FOLH1: variants seen among roughly 807,000 people sequenced by gnomAD.
The protein encoded by FOLH1 is folate hydrolase 1.
FOLH1 carries 54 observed loss-of-function variants against 93.9 expected under a neutral mutation model. That is an observed-to-expected ratio of 0.57 (90% CI 0.46 to 0.72). The LOEUF (loss-of-function observed/expected upper bound fraction) is 0.72, where lower values mean the gene tolerates loss of function less well. FOLH1 is among the 30% of genes least tolerant of loss of function. FOLH1 has a pLI of 0.00. For missense variants in FOLH1, 571 were observed against 892.5 expected, an observed-to-expected ratio of 0.64 and a Z score of 4.59; for synonymous variants, 249 against 303.6, an observed-to-expected ratio of 0.82 and a Z score of 1.87.
At chr11:49,154,925 G>T (rs886495701) in intron 15 of FOLH1, among the ~76,000 whole-genome samples, 13 of 151,932 alleles carry the variant, frequency 8.6e-5, no homozygotes, top group African/African-American at 3.1e-4. Flanking sequence ...AAATTCCATG[G>T]ATAAATGATT....
At chr11:49,205,330 C>T (rs1211163800) in intron 2 of FOLH1, among the ~76,000 whole-genome samples, 3 of 151,960 alleles carry the variant, frequency 2.0e-5, no homozygotes, top group Non-Finnish European at 2.9e-5. Flanking sequence ...CTCTTTCGTC[C>T]TACACTGGAA....
chr11:49,201,443 T>A (rs1863246157), intron 2 of FOLH1, among the ~76,000 whole-genome samples: 2 of 151,456 alleles, frequency 1.3e-5, no homozygotes, highest in Admixed American at 1.3e-4. Context: ...ATTTTTTTTA[T>A]TTGATGAATC....
At chr11:49,206,044 T>C (rs769491170) in intron 2 of FOLH1, 23 bp downstream of exon 2, 5 of 1,597,640 alleles carry the variant, frequency 3.1e-6, no homozygotes, top group African/African-American at 1.3e-5. Context: ...CTTGTCCATA[T>C]AAACTTTCGA....
At chr11:49,172,275 C>T (rs1859425780) in intron 10 of FOLH1, among the ~76,000 whole-genome samples, 1 of 152,104 alleles carries the variant, frequency 6.6e-6, no homozygotes, top group African/African-American at 2.4e-5. Context: ...TAAAATTAAA[C>T]ACTACCTACT....
At chr11:49,192,966 A>T in intron 3 of FOLH1, 72 bp from the exon 4 acceptor site, 4 of 1,311,046 alleles carry the variant, frequency 3.1e-6, no homozygotes, top group Non-Finnish European at 4.1e-6. Context: ...CACAAAAAAA[A>T]TGAATATTAT....
At chr11:49,185,589 C>G in intron 6 of FOLH1, 80 bp downstream of exon 6, 1 of 1,543,338 alleles carries the variant, frequency 6.5e-7, no homozygotes, top group Non-Finnish European at 8.8e-7. Flanking sequence ...ATGCTTAGTC[C>G]ATTGTACCAA....
chr11:49,195,734 A>G (rs1862547601), intron 3 of FOLH1, among the ~76,000 whole-genome samples: 1 of 152,216 alleles, frequency 6.6e-6, no homozygotes, highest in Non-Finnish European at 1.5e-5. Context: ...AGGCACATCT[A>G]CAGACGCTGA....
intron 7 of FOLH1, among the ~76,000 whole-genome samples, chr11:49,179,255 C>G (rs34581355): frequency 3.3e-5 from 5 of 152,174 alleles, no homozygotes; most frequent in African/African-American, 1.2e-4. Flanking sequence ...TATAAAATGA[C>G]TAAGATTCCT....
chr11:49,147,579 A>G (rs1231021084), intron 18 of FOLH1, among the ~76,000 whole-genome samples: 1 of 152,154 alleles, frequency 6.6e-6, no homozygotes, highest in Admixed American at 6.6e-5. Flanking sequence ...AGAATGGGCT[A>G]TGACAGTTCA....
At chr11:49,199,106 A>G (rs1385134509) in intron 3 of FOLH1, among the ~76,000 whole-genome samples, 2 of 152,168 alleles carry the variant, frequency 1.3e-5, no homozygotes, top group Admixed American at 6.5e-5. Flanking sequence ...CTATGAAAAA[A>G]AATTATATAT....
In FOLH1 at chr11:49,168,555, C is replaced by A. The variant is rs1277497476; in HGVS notation, c.1372+640G>T. 3.9e-5 allele frequency among the ~76,000 whole-genome samples: 6 copies of A among 152,188 alleles called. No homozygotes were observed. In the East Asian group the frequency reaches 5.8e-4, roughly 15 times the overall value. ...ACTCCCAGAGTGGTTTTATCCTACC[C>A]TTTCTAAAGTACCTGCATACATTAT... On this transcript the variant is annotated intron_variant, in intron 12 of 18. Coordinates refer to ENST00000256999, the MANE Select transcript of FOLH1 (RefSeq NM_004476.3).
chr11:49,177,539 C>T (rs1323226912), intron 7 of FOLH1, among the ~76,000 whole-genome samples: 2 of 151,990 alleles, frequency 1.3e-5, no homozygotes, highest in Non-Finnish European at 2.9e-5. Context: ...TAACAAAAAG[C>T]AGCCCAATAA....
intron 4 of FOLH1, among the ~76,000 whole-genome samples, chr11:49,188,727 C>T (rs1303932401): frequency 1.3e-5 from 2 of 152,074 alleles, no homozygotes; most frequent in Admixed American, 1.3e-4. Flanking sequence ...AGACTGGGAT[C>T]AGCAACAACA....
At position 49,174,922 on chromosome 11, in the gene FOLH1, T is replaced by A. The variant is rs1255316364; in HGVS notation, c.1075A>T (p.Ile359Leu). 1.2e-6 allele frequency: 2 copies of A among 1,611,096 alleles called. No homozygotes were observed. Among genetic ancestry groups the A allele is most frequent in the Admixed American group, 1.7e-5 (1 of 59,816 alleles). Residue 359 changes from isoleucine (I) to leucine (L), a missense_variant, in exon 9 of 19, where the codon ATA becomes TTA. By Grantham distance (5) the Ile-to-Leu change is conservative. Around this residue, in one of 2 missense-constraint regions of FOLH1, gnomAD observed 500 missense variants for 822.9 expected, o/e 0.61. Coordinates refer to ENST00000256999, the MANE Select transcript of FOLH1 (RefSeq NM_004476.3). Reference sequence around the variant, plus strand: ...TCCACTGCTCCTCTGAGAGTACCTATCACATTGTAAATTCTTGTCACTTCA... The same window carrying A: ...TCCACTGCTCCTCTGAGAGTACCTAACACATTGTAAATTCTTGTCACTTCA... ...TNEVTRIYNV[I>L]GTLRGAVEPD...
At chr11:49,205,954 T>C (rs1261145716) in intron 2 of FOLH1, 113 bp downstream of exon 2, 1 of 1,101,904 alleles carries the variant, frequency 9.1e-7, no homozygotes, top group Non-Finnish European at 1.2e-6. Flanking sequence ...AGATCTTTAA[T>C]AAATAAAATT....
At chr11:49,188,396 C>T (rs1861650059) in intron 4 of FOLH1, among the ~76,000 whole-genome samples, 1 of 151,692 alleles carries the variant, frequency 6.6e-6, no homozygotes, top group African/African-American at 2.4e-5. Context: ...CGCCTGTAAT[C>T]CCAGCTACTC....
intron 3 of FOLH1, among the ~76,000 whole-genome samples, 177 bp downstream of exon 3, chr11:49,200,078 C>T (rs1863103351): frequency 6.6e-6 from 1 of 151,956 alleles, no homozygotes; most frequent in Non-Finnish European, 1.5e-5. Context: ...ACAGTAAACT[C>T]AAACATCATA....
At chr11:49,153,997 A>G in intron 16 of FOLH1, 70 bp from the exon 17 acceptor site, 2 of 1,380,036 alleles carry the variant, frequency 1.4e-6, no homozygotes, top group Non-Finnish European at 2.0e-6. Flanking sequence ...CTATAGTTCA[A>G]GAAAAGGAAC....
At chr11:49,179,285 T>C (rs1860457971) in intron 7 of FOLH1, among the ~76,000 whole-genome samples, 1 of 152,138 alleles carries the variant, frequency 6.6e-6, no homozygotes, top group Admixed American at 6.5e-5. Flanking sequence ...AATTGAAAAA[T>C]AGTGTAACTC....
Sources: allele counts gnomAD v4.1 joint callset (sites outside exome capture counted in the v4.1 genomes callset), GRCh38; gene constraint gnomAD v4.1.1; regional missense constraint gnomAD v4.1.1; transcripts MANE v1.5; gene names NCBI Gene and HGNC (gene_info 2026-07-23, HGNC 2026-07-21).